Variants in RNF122 observed in about 807,000 individuals in gnomAD.
RNF122 encodes the protein ring finger protein 122.
A neutral mutation model predicts 24.2 loss-of-function variants in RNF122; 17 were observed. That is an observed-to-expected ratio of 0.70 (90% CI 0.48 to 1.06). The LOEUF (loss-of-function observed/expected upper bound fraction) is 1.06, where lower values mean the gene tolerates loss of function less well. Ranked by LOEUF, RNF122 falls within the 50% of genes least tolerant of loss-of-function variation. The pLI, the probability that RNF122 is intolerant of heterozygous loss-of-function variation, is 0.00. For missense variants in RNF122, 168 were observed against 198.1 expected (o/e 0.85, Z 0.91); for synonymous variants, 65 against 71.8 (o/e 0.91, Z 0.48).
At position 33,555,451 on chromosome 8, in the gene RNF122, C is replaced by T. The variant is rs557216713; in HGVS notation, c.182+3164G>A. The stretch of plus-strand genomic sequence containing the variant: ...CTCCTGACCTCAGGTGATCCACCTG[C>T]CTCAGCCTCCCAAAGTGCTGGGATT... On this transcript the variant is annotated intron_variant, in intron 2 of 5. Transcript: ENST00000256257. 4.6e-5 allele frequency among the ~76,000 whole-genome samples: 7 copies of T among 152,318 alleles called. No homozygotes were observed. In the East Asian group the frequency reaches 1.4e-3, roughly 29 times the overall value.
At chr8:33,559,841 T>A (rs1321837951) in intron 1 of RNF122, among the ~76,000 whole-genome samples, 3 of 26,630 alleles carry the variant, frequency 1.1e-4, no homozygotes, top group Non-Finnish European at 2.2e-4. Flanking sequence ...ACCTACGCTG[T>A]TTTTTTTTTT....
chr8:33,555,895 C>T (rs78440613), intron 2 of RNF122, among the ~76,000 whole-genome samples: 3,940 of 152,194 alleles, frequency 0.026, 106 homozygotes, highest in East Asian at 0.15. Flanking sequence ...AGGCCGGGCA[C>T]GGTGGCTCAT....
At position 33,547,798 on chromosome 8, in the gene RNF122, G is replaced by T. The variant is rs1013906649; in HGVS notation, c.*955C>A. ...ATTAAATTTATTTTTCTTTAAATAT[G>T]TAACTTTCTCCCACCCTCACCCACT... On this transcript the variant is annotated 3_prime_UTR_variant, in exon 6 of 6. Transcript: ENST00000256257. The T allele has an allele frequency of 6.6e-6, 1 of 151,772 alleles. No homozygotes were observed. The highest frequency in any genetic ancestry group is 1.5e-5 in the Non-Finnish European group (1 of 67,976). The allele number at this position is 151,772 out of a possible 1,614,324, so 9.4% of individuals were successfully genotyped here.
At chr8:33,551,464 C>A (rs549923879) in intron 2 of RNF122, 75 bp from the exon 3 acceptor site, 1 of 1,498,366 alleles carries the variant, frequency 6.7e-7, no homozygotes, top group Non-Finnish European at 9.3e-7. Context: ...TGGCTGGCTG[C>A]TTGGGCATTC....
At chr8:33,555,140 G>A (rs1810432654) in intron 2 of RNF122, among the ~76,000 whole-genome samples, 1 of 152,192 alleles carries the variant, frequency 6.6e-6, no homozygotes, top group South Asian at 2.1e-4. Context: ...TAGCACCACA[G>A]TGGGGTCAGC....
In RNF122 at chr8:33,550,402, C is replaced by G. The variant is rs141509602; in HGVS notation, c.270+642G>C. On this transcript the variant is annotated intron_variant, in intron 4 of 5. Transcript: ENST00000256257. ...GTCTCATGTTTAGTGGAACTGTGAT[C>G]CGCTCTGCTCCCAGACAACCACAAA... 4.1e-3 allele frequency among the ~76,000 whole-genome samples: 631 copies of G among 152,324 alleles called. 2 individuals are homozygous for G. Among genetic ancestry groups the G allele is most frequent in the African/African-American group, 0.015 (604 of 41,574 alleles).
intron 1 of RNF122, 92 bp downstream of exon 1, chr8:33,566,607 G>C (rs1810628177): frequency 2.2e-6 from 3 of 1,344,810 alleles, no homozygotes; most frequent in Non-Finnish European, 3.1e-6. Context: ...TGGTTCCCGA[G>C]GGAGGACCAG....
chr8:33,564,277 G>A (rs1478937110), intron 1 of RNF122, among the ~76,000 whole-genome samples: 1 of 152,144 alleles, frequency 6.6e-6, no homozygotes, highest in African/African-American at 2.4e-5. Context: ...GCCAGACAAG[G>A]TGGCTCCTGC....
intron 2 of RNF122, among the ~76,000 whole-genome samples, chr8:33,552,914 C>A (rs769750155): frequency 6.6e-6 from 1 of 151,686 alleles, no homozygotes; most frequent in Non-Finnish European, 1.5e-5. Context: ...CAAAAATTCA[C>A]AGGACAATTC....
At position 33,548,642 on chromosome 8, in the gene RNF122, C is replaced by A; in HGVS notation, c.*111G>T. On this transcript the variant is annotated 3_prime_UTR_variant, in exon 6 of 6. Transcript: ENST00000256257. ...CAGTCCTAGACCACCCTTCTCATCA[C>A]TGGGAAAGTGATCGTCATCACCCTA... 1.4e-6 allele frequency: 1 copy of A among 735,026 alleles called. No homozygotes were observed. The allele number at this position is 735,026 out of a possible 1,614,324, so 45.5% of individuals were successfully genotyped here. A position where few individuals can be genotyped will look rare whatever the true frequency, so the allele number is the denominator to read the frequency against.
intron 5 of RNF122, 87 bp from the exon 6 acceptor site, chr8:33,548,954 CTCACAACTGTAA>C: frequency 1.0e-6 from 1 of 959,444 alleles, no homozygotes; most frequent in Non-Finnish European, 1.7e-6. Context: ...CCCGTGGTGG[CTCACAACTGTAA>C]TCCCAGCACT....
At chr8:33,553,583 T>A (rs941014598) in intron 2 of RNF122, among the ~76,000 whole-genome samples, 1 of 152,068 alleles carries the variant, frequency 6.6e-6, no homozygotes, top group Non-Finnish European at 1.5e-5. Context: ...AAATTTTTTT[T>A]AAATAAATAA....
At chr8:33,551,451 G>C in intron 2 of RNF122, 62 bp from the exon 3 acceptor site, 1 of 1,557,390 alleles carries the variant, frequency 6.4e-7, no homozygotes, top group Non-Finnish European at 8.8e-7. Flanking sequence ...AAGCAGGAGA[G>C]GCTGGCTGGC....
At chr8:33,550,450 G>C (rs1238938175) in intron 4 of RNF122, among the ~76,000 whole-genome samples, 3 of 152,168 alleles carry the variant, frequency 2.0e-5, no homozygotes, top group Non-Finnish European at 2.9e-5. Flanking sequence ...AGGAGTGTCT[G>C]TGGTCATGAA....
chr8:33,556,153 C>G (rs1810448071), intron 2 of RNF122, among the ~76,000 whole-genome samples: 2 of 135,114 alleles, frequency 1.5e-5, no homozygotes, highest in Admixed American at 8.0e-5. Flanking sequence ...GCACTCCAGC[C>G]TGGGCAACAG....
Position 33,567,059 on chromosome 8 carries a change from A to C in RNF122, c.-336T>G. The C allele has an allele frequency of 2.6e-6, 1 of 383,372 alleles. No individual in the cohort carries two copies. 23.7% of individuals were successfully genotyped at this position (383,372 alleles called of 1,614,324 possible). ...AGCCCTCGGCCGGGGGAGGAGGGAA[A>C]AACCTTTGCCGGAGGCTCGGATCGG... is the stretch of plus-strand genomic sequence containing the variant. On this transcript the variant is annotated 5_prime_UTR_variant, in exon 1 of 6. Transcript: ENST00000256257.
chr8:33,559,503 TAGAG>T (rs1442312661), intron 1 of RNF122, among the ~76,000 whole-genome samples: 1 of 151,804 alleles, frequency 6.6e-6, no homozygotes, highest in Non-Finnish European at 1.5e-5. Flanking sequence ...ACAAGCAAAA[TAGAG>T]AGAGGAATGA....
rs373090081 is a variant in RNF122, at chr8:33,549,457, C to T, written c.306G>A (p.Gly102=). The part of the protein sequence containing the change: ...TCAVCLEDFK[G]KDELGVLPCQ... The stretch of plus-strand genomic sequence containing the variant: ...ACGGGAGCACGCCTAACTCATCCTT[C>T]CCCTTGAAGTCTTCCAGACAGACTG... The change falls in exon 5 of 6, where the codon GGG becomes GGA. Residue 102 remains glycine, a synonymous_variant. Transcript: ENST00000256257. 14 of 1,614,162 alleles carry T rather than the reference C, an allele frequency of 8.7e-6. No individual in the cohort carries two copies. Among genetic ancestry groups the T allele is most frequent in the Non-Finnish European group, 1.1e-5 (13 of 1,180,008 alleles).
At chr8:33,562,870 C>T (rs549968956) in intron 1 of RNF122, among the ~76,000 whole-genome samples, 24 of 152,242 alleles carry the variant, frequency 1.6e-4, no homozygotes, top group South Asian at 4.1e-4. Context: ...TTGCAGTGAG[C>T]GGAGATCACA....
Sources: gnomAD v4.1 joint callset for allele counts (sites outside exome capture counted in the v4.1 genomes callset) on GRCh38, gnomAD v4.1.1 for gene constraint, MANE v1.5 for transcripts, NCBI Gene and HGNC (gene_info 2026-07-23, HGNC 2026-07-21) for gene names.